Variants in CSMD1 observed in about 807,000 individuals in gnomAD.
The protein encoded by CSMD1 is CUB and sushi domain-containing protein 1.
In CSMD1, 213 loss-of-function variants were observed where a neutral mutation model predicts 417.5. That is an observed-to-expected ratio of 0.51 (90% confidence interval 0.46 to 0.57). The LOEUF is 0.57. CSMD1 is among the 20% of genes least tolerant of loss of function. The pLI is 0.00. For synonymous variants in CSMD1, 2,862 were observed against 1,736.8 expected (o/e 1.65, Z -16.11); for missense variants, 6,923 against 4,529.7 (o/e 1.53, Z -15.17).
intron 10 of CSMD1, among the ~76,000 whole-genome samples, chr8:3,507,449 G>C (rs1284498660): frequency 6.6e-6 from 1 of 152,144 alleles, no homozygotes; most frequent in Non-Finnish European, 1.5e-5. Flanking sequence ...ATTGTGAATA[G>C]TGCCACAGTA....
chr8:4,395,924 T>A lies in CSMD1; in HGVS notation c.415+24029A>T, dbSNP rs576199870. Among the ~76,000 whole-genome samples the A allele has an allele frequency of 3.9e-5, 6 of 152,346 alleles. No homozygotes were observed. In the East Asian group the frequency reaches 1.2e-3, roughly 29 times the overall value. ...AAGTGTAATTGTAAGTCTGACAGTT[T>A]TTGTAACCGTTGAAATATTCCCCAT... On this transcript the variant is annotated intron_variant, in intron 3 of 69. Transcript: ENST00000635120.
chr8:3,642,613 G>C (rs1265455048), intron 7 of CSMD1, among the ~76,000 whole-genome samples: 1 of 152,278 alleles, frequency 6.6e-6, no homozygotes, highest in East Asian at 1.9e-4. Flanking sequence ...AGAAAACCTG[G>C]CATCGTGAGT....
chr8:3,582,413 G>T (rs1288872524), intron 9 of CSMD1, among the ~76,000 whole-genome samples: 1 of 152,176 alleles, frequency 6.6e-6, no homozygotes, highest in African/African-American at 2.4e-5. Context: ...CCAACCTGAG[G>T]AACTTACGTA....
At chr8:4,912,988 C>T (rs1360694755) in intron 1 of CSMD1, among the ~76,000 whole-genome samples, 3 of 152,116 alleles carry the variant, frequency 2.0e-5, no homozygotes, top group African/African-American at 4.8e-5. Context: ...GGGGTTTTAC[C>T]GTGTTGGCCA....
chr8:4,849,037 A>G (rs1027441616), intron 1 of CSMD1, among the ~76,000 whole-genome samples: 3 of 152,336 alleles, frequency 2.0e-5, no homozygotes, highest in Non-Finnish European at 2.9e-5. Flanking sequence ...ACAGCTCTAC[A>G]CCTGTTATAG....
intron 2 of CSMD1, among the ~76,000 whole-genome samples, chr8:4,467,017 C>A (rs2130006838): frequency 6.6e-6 from 1 of 151,002 alleles, no homozygotes; most frequent in Middle Eastern, 3.5e-3. Context: ...CTCAACTGGC[C>A]TCAAAGGCAA....
intron 3 of CSMD1, among the ~76,000 whole-genome samples, chr8:4,108,981 G>A (rs951663080): frequency 1.9e-4 from 29 of 152,082 alleles, no homozygotes; most frequent in African/African-American, 6.5e-4. Flanking sequence ...CAGTTTTTCC[G>A]AATTATCTGG....
chr8:4,623,647 T>C lies in CSMD1; in HGVS notation c.302+13695A>G, dbSNP rs576986253. ...TGTATATTGGAATTCTGCTTAACCA[T>C]AAAAAATGTACCATTTTTATATGAA... On this transcript the variant is annotated intron_variant, in intron 2 of 69. Transcript: ENST00000635120. Among the ~76,000 whole-genome samples, 83 of 152,258 alleles carry C rather than the reference T, an allele frequency of 5.5e-4. 1 individual carries two copies. Among genetic ancestry groups the C allele is most frequent in the Non-Finnish European group, 9.7e-4 (66 of 68,032 alleles).
intron 1 of CSMD1, among the ~76,000 whole-genome samples, chr8:4,947,767 T>C (rs369518065): frequency 5.3e-5 from 8 of 152,228 alleles, no homozygotes; most frequent in East Asian, 1.9e-4. Flanking sequence ...AGTGTCCTAC[T>C]TGAATTTGCA....
chr8:4,049,296 A>C (rs1051414391), intron 3 of CSMD1, among the ~76,000 whole-genome samples: 4 of 151,958 alleles, frequency 2.6e-5, no homozygotes, highest in African/African-American at 9.7e-5. Flanking sequence ...GTCTGGCTGT[A>C]GGACATTTTG....
intron 5 of CSMD1, among the ~76,000 whole-genome samples, chr8:3,833,126 G>A (rs1003407368): frequency 6.6e-6 from 1 of 152,100 alleles, no homozygotes; most frequent in African/African-American, 2.4e-5. Flanking sequence ...CAGGGAGCAT[G>A]TCAAACGATC....
chr8:4,484,473 G>A (rs1036468130), intron 2 of CSMD1, among the ~76,000 whole-genome samples: 1 of 152,078 alleles, frequency 6.6e-6, no homozygotes. Context: ...TGGGCAATTT[G>A]AAGGAGGCAC....
intron 26 of CSMD1, among the ~76,000 whole-genome samples, chr8:3,253,040 G>C (rs1440929932): frequency 1.3e-5 from 2 of 150,608 alleles, no homozygotes; most frequent in African/African-American, 4.8e-5. Flanking sequence ...TTTTTTGAAG[G>C]GTATTTTAGT....
intron 40 of CSMD1, among the ~76,000 whole-genome samples, chr8:3,150,220 T>A (rs529679138): frequency 3.9e-5 from 6 of 152,122 alleles, no homozygotes; most frequent in African/African-American, 1.4e-4. Flanking sequence ...AAACAGGGGC[T>A]CCTATAATAA....
chr8:4,729,992 G>C (rs148985070), intron 1 of CSMD1, among the ~76,000 whole-genome samples: 23 of 152,098 alleles, frequency 1.5e-4, no homozygotes, highest in Non-Finnish European at 3.1e-4. Context: ...CTCCTCTCCC[G>C]ATTCTGAAAC....
chr8:3,046,739 C>A (rs181528890), intron 50 of CSMD1, among the ~76,000 whole-genome samples: 1 of 152,316 alleles, frequency 6.6e-6, no homozygotes, highest in East Asian at 1.9e-4. Flanking sequence ...AGACTTCCAA[C>A]ACTTCCCTAG....
chr8:3,181,236 G>A (rs1177464753), intron 36 of CSMD1, 22 bp from the exon 37 acceptor site: 2 of 1,490,346 alleles, frequency 1.3e-6, no homozygotes, highest in Admixed American at 1.7e-5. Flanking sequence ...AATGCAGATA[G>A]AATTGTAACA....
chr8:3,599,033 C>T (rs1801227522), intron 8 of CSMD1, among the ~76,000 whole-genome samples: 1 of 151,986 alleles, frequency 6.6e-6, no homozygotes, highest in Non-Finnish European at 1.5e-5. Context: ...GTGAGCAGAG[C>T]TTGCAACAAT....
At chr8:3,997,413 T>A (rs968707815) in intron 5 of CSMD1, among the ~76,000 whole-genome samples, 1 of 152,038 alleles carries the variant, frequency 6.6e-6, no homozygotes, top group Non-Finnish European at 1.5e-5. Context: ...TGTTAAGTTA[T>A]TTTGCCTTTG....
Sources: allele counts gnomAD v4.1 joint callset (sites outside exome capture counted in the v4.1 genomes callset), GRCh38; gene constraint gnomAD v4.1.1; transcripts MANE v1.5; gene names NCBI Gene and HGNC (gene_info 2026-07-23, HGNC 2026-07-21).